Variants in MYRFL observed in about 807,000 individuals in gnomAD.
The protein encoded by MYRFL is myelin regulatory factor like, also known as myelin regulatory factor-like protein.
MYRFL carries 88 observed loss-of-function variants against 109.4 expected under a neutral mutation model. The observed-to-expected ratio is 0.80, with a 90% CI of 0.68 to 0.96. The LOEUF is 0.96. Ranked by LOEUF, MYRFL falls within the 40% of genes least tolerant of loss-of-function variation. MYRFL has a pLI of 0.00. For missense variants in MYRFL, 957 were observed against 954.9 expected, an observed-to-expected ratio of 1.00 and a Z score of -0.03; for synonymous variants, 324 against 320.9, an observed-to-expected ratio of 1.01 and a Z score of -0.10.
chr12:69,831,095 G>T (rs1416426063), intron 1 of MYRFL, among the ~76,000 whole-genome samples: 1 of 152,062 alleles, frequency 6.6e-6, no homozygotes, highest in African/African-American at 2.4e-5. Context: ...TGTGTATCTT[G>T]TGTGCTTTTT....
chr12:69,921,828 A>G (rs1954924504), intron 13 of MYRFL, among the ~76,000 whole-genome samples: 1 of 152,212 alleles, frequency 6.6e-6, no homozygotes, highest in Non-Finnish European at 1.5e-5. Flanking sequence ...GTAACCAGGC[A>G]ATTGCAGCCA....
intron 2 of MYRFL, among the ~76,000 whole-genome samples, chr12:69,860,896 C>G: frequency 8.8e-6 from 1 of 113,770 alleles, no homozygotes; most frequent in Non-Finnish European, 1.8e-5. Flanking sequence ...CCCCCTCCCC[C>G]CTCCCCCCAC....
intron 2 of MYRFL, among the ~76,000 whole-genome samples, chr12:69,864,206 T>A (rs979840234): frequency 6.6e-6 from 1 of 152,230 alleles, no homozygotes; most frequent in African/African-American, 2.4e-5. Context: ...TCTGGGAAAT[T>A]TGTAGCCATT....
intron 1 of MYRFL, among the ~76,000 whole-genome samples, chr12:69,837,310 A>G (rs904822009): frequency 6.6e-6 from 1 of 152,142 alleles, no homozygotes; most frequent in Admixed American, 6.5e-5. Flanking sequence ...TAGCCATTGT[A>G]TAATTGCTCA....
At chr12:69,826,896 CT>C (rs1882313773) in intron 1 of MYRFL, among the ~76,000 whole-genome samples, 2 of 152,248 alleles carry the variant, frequency 1.3e-5, no homozygotes, top group Admixed American at 1.3e-4. Context: ...TCAACAACCA[CT>C]TTCTTTAAAT....
intron 22 of MYRFL, among the ~76,000 whole-genome samples, chr12:69,956,673 C>G (rs568204664): frequency 3.9e-5 from 6 of 151,986 alleles, no homozygotes; most frequent in Non-Finnish European, 7.4e-5. Context: ...TCTGCCTCTT[C>G]CTCCGTCTTA....
At chr12:69,854,200 T>C (rs1307430693) in intron 1 of MYRFL, among the ~76,000 whole-genome samples, 1 of 151,854 alleles carries the variant, frequency 6.6e-6, no homozygotes, top group Non-Finnish European at 1.5e-5. Context: ...CAAAAACCAG[T>C]CAGGCGTGGC....
intron 19 of MYRFL, among the ~76,000 whole-genome samples, chr12:69,946,288 A>C (rs1217570915): frequency 1.3e-5 from 2 of 152,182 alleles, no homozygotes; most frequent in Non-Finnish European, 2.9e-5. Flanking sequence ...AATGAAATTT[A>C]TGTTGTGCCT....
chr12:69,886,367 A>G (rs977878385), intron 5 of MYRFL, among the ~76,000 whole-genome samples: 12 of 152,044 alleles, frequency 7.9e-5, no homozygotes, highest in Non-Finnish European at 1.5e-4. Context: ...CCTCATGGAG[A>G]AGAGTGAGCA....
chr12:69,837,016 A>G (rs1592680879), intron 1 of MYRFL, among the ~76,000 whole-genome samples: 1 of 151,994 alleles, frequency 6.6e-6, no homozygotes, highest in Non-Finnish European at 1.5e-5. Context: ...TTGCATTTCC[A>G]TCAACTTGTT....
At chr12:69,908,092 G>A (rs2120379406) in intron 11 of MYRFL, among the ~76,000 whole-genome samples, 1 of 152,122 alleles carries the variant, frequency 6.6e-6, no homozygotes, top group Non-Finnish European at 1.5e-5. Flanking sequence ...TCCTGTCTTA[G>A]TCTCATCCTT....
chr12:69,903,958 T>A (rs762757105), intron 11 of MYRFL, 114 bp downstream of exon 11: 3 of 949,810 alleles, frequency 3.2e-6, no homozygotes, highest in Non-Finnish European at 4.5e-6. Context: ...CACCCACTGG[T>A]GTGAGATGAA....
chr12:69,957,860 C>T lies in MYRFL; in HGVS notation c.2489C>T (p.Thr830Ile), dbSNP rs1956129047. The change falls in exon 23 of 25, where the codon ACC becomes ATC. Residue 830 changes from threonine (T) to isoleucine (I), a missense_variant. Physicochemically the swap from Thr to Ile is moderately conservative, Grantham distance 89. Transcript: ENST00000552032. ...TTGATAGTCTTCCAGTGCAAATTCA[C>T]CCTTGGAAATATATGTTTCCATAGT... ...EPLIVFQCKF[T>I]LGNICFHSKR... The T allele has an allele frequency of 6.5e-7, 1 of 1,534,754 alleles. No individual in the cohort carries two copies.
intron 13 of MYRFL, among the ~76,000 whole-genome samples, chr12:69,917,802 G>T (rs1954790613): frequency 6.6e-6 from 1 of 151,866 alleles, no homozygotes; most frequent in Non-Finnish European, 1.5e-5. Context: ...GAAAGGAAGA[G>T]AAGTGGTTTT....
rs1277799289 is a variant in MYRFL at position 69,955,426 on chromosome 12, TCTGGAAATAAAGTAAGTGCATGG to T, written c.2443_2450+15del. 6.2e-6 allele frequency: 4 copies of T among 647,044 alleles called. No individual in the cohort carries two copies. In the Admixed American group the frequency reaches 1.0e-4, roughly 17 times the overall value. The allele number at this position is 647,044 out of a possible 1,614,324, so 40.1% of individuals were successfully genotyped here. On this transcript the variant is annotated splice_donor_variant and splice_donor_5th_base_variant and coding_sequence_variant and intron_variant, in exon 22 of 25. Transcript: ENST00000552032. LOFTEE classifies it high-confidence loss of function. Reference sequence around the variant, plus strand: ...ACACACCCACCAATGTCAAGTTCTCTCTGGAAATAAAGTAAGTGCATGGCTGTAAAAAACAATTTCATTTTTAT... The same window carrying T: ...ACACACCCACCAATGTCAAGTTCTCTCTGTAAAAAACAATTTCATTTTTAT...
chr12:69,913,428 A>T (rs929296110), intron 13 of MYRFL, among the ~76,000 whole-genome samples: 1 of 152,122 alleles, frequency 6.6e-6, no homozygotes, highest in Non-Finnish European at 1.5e-5. Context: ...AGAGTTTTAT[A>T]ATTTTAGGTT....
chr12:69,880,208 T>C lies in MYRFL; in HGVS notation c.472T>C (p.Leu158=), dbSNP rs1191412508. The change falls in exon 5 of 25, where the codon TTG becomes CTG. Residue 158 remains leucine (L), a synonymous_variant. Coordinates refer to ENST00000552032, the MANE Select transcript of MYRFL (RefSeq NM_182530.3). Reference sequence around the variant, plus strand: ...TTGGTGTCTTGATTTTAGAGCCTCATTGCCTCCAACCAAGAAGAGAAAGTG... The same window carrying C: ...TTGGTGTCTTGATTTTAGAGCCTCACTGCCTCCAACCAAGAAGAGAAAGTG... The part of the protein sequence containing the change: ...QPLCHSPGAS[L]PPTKKRKCTQ... The C allele has an allele frequency of 1.1e-5, 8 of 702,514 alleles. No homozygotes were observed. 43.5% of individuals were successfully genotyped at this position (702,514 alleles called of 1,614,324 possible).
chr12:69,917,592 C>A (rs1954780223), intron 13 of MYRFL, among the ~76,000 whole-genome samples: 2 of 152,084 alleles, frequency 1.3e-5, no homozygotes, highest in South Asian at 4.1e-4. Flanking sequence ...TAGGCCTCTG[C>A]ATATACATCT....
intron 16 of MYRFL, among the ~76,000 whole-genome samples, chr12:69,935,147 A>G (rs1447112359): frequency 6.6e-6 from 1 of 152,170 alleles, no homozygotes; most frequent in Non-Finnish European, 1.5e-5. Flanking sequence ...GCTGCTGCTG[A>G]GAACACTTTG....
Sources: allele counts gnomAD v4.1 joint callset (sites outside exome capture counted in the v4.1 genomes callset), GRCh38; gene constraint gnomAD v4.1.1; transcripts MANE v1.5; gene names NCBI Gene and HGNC (gene_info 2026-07-23, HGNC 2026-07-21).